The following CSAD variants were observed in gnomAD, a reference collection of about 807,000 sequenced individuals.
CSAD encodes P-selectin cytoplasmic tail-associated protein.
Under a neutral mutation model 61.5 loss-of-function variants are expected in CSAD, and 47 were observed. The observed-to-expected ratio is 0.76, with a 90% CI of 0.60 to 0.97. CSAD has a LOEUF of 0.97. Among genes scored for constraint, CSAD ranks in the 50% least tolerant of loss-of-function variants. The probability of loss-of-function intolerance (pLI) is 0.00; values close to 1 mark genes in which losing one functional copy is unlikely to be tolerated. For synonymous variants in CSAD, 245 were observed against 252.7 expected (o/e 0.97, Z 0.29); for missense variants, 611 against 643.6 (o/e 0.95, Z 0.55).
At chr12:53,159,815 C>G in intron 15 of CSAD, 72 bp downstream of exon 15, 1 of 1,541,156 alleles carries the variant, frequency 6.5e-7, no homozygotes, top group Non-Finnish European at 8.8e-7. Context: ...TCCACTAGGG[C>G]TTTAGTTGGG....
chr12:53,169,144 C>T (rs1366878438), intron 10 of CSAD, among the ~76,000 whole-genome samples: 4 of 151,974 alleles, frequency 2.6e-5, no homozygotes, highest in Non-Finnish European at 5.9e-5. Context: ...CGTGCCATTG[C>T]ACTCCGGCCT....
chr12:53,161,511 A>G, intron 10 of CSAD, 122 bp from the exon 11 acceptor site: 3 of 721,140 alleles, frequency 4.2e-6, no homozygotes, highest in Non-Finnish European at 7.3e-6. Context: ...ACCTCACAAC[A>G]ATGTGTTACT....
At chr12:53,163,435 A>G (rs1231749025) in intron 10 of CSAD, among the ~76,000 whole-genome samples, 1 of 152,174 alleles carries the variant, frequency 6.6e-6, no homozygotes. Flanking sequence ...GATGAATTCC[A>G]TCAAACATTT....
chr12:53,160,792 A>T lies in CSAD; in HGVS notation c.937T>A (p.Cys313Ser), dbSNP rs1939188943. 1.3e-6 allele frequency: 2 copies of T among 1,551,646 alleles called. No individual in the cohort carries two copies. Among genetic ancestry groups the T allele is most frequent in the Admixed American group, 3.9e-5 (2 of 50,984 alleles). ...GTATCCTGGAGAAGAAGTGCAGAGCATTGCAGGCCTGCTGCGAGGAGCTTG... is the reference window on the plus strand; with the variant it reads ...GTATCCTGGAGAAGAAGTGCAGAGCTTTGCAGGCCTGCTGCGAGGAGCTTG... Reference protein sequence around the residue: ...PHKLLAAGLQCSALLLQDTSN... With the variant: ...PHKLLAAGLQSSALLLQDTSN... The change falls in exon 13 of 17, where the codon TGC (cysteine) becomes AGC (serine). Residue 313 changes from cysteine to serine, a missense_variant. Physicochemically the swap from Cys to Ser is moderately radical, Grantham distance 112. Transcript: ENST00000444623.
At chr12:53,166,928 TACAC>T (rs1724244574) in intron 10 of CSAD, among the ~76,000 whole-genome samples, 1 of 152,182 alleles carries the variant, frequency 6.6e-6, no homozygotes, top group Admixed American at 6.5e-5. Flanking sequence ...AATTTTATGT[TACAC>T]ACACAAAAAA....
At position 53,173,528 on chromosome 12, in the gene CSAD, C is replaced by G. The variant is rs866590314; in HGVS notation, c.-6-52G>C. 7.1e-5 allele frequency: 114 copies of G among 1,613,312 alleles called. 1 individual carries two copies. The Middle Eastern group carries it at 4.7e-3, about 66-fold the overall frequency. On this transcript the variant is annotated intron_variant, in intron 3 of 16. Coordinates refer to ENST00000444623, the MANE Select transcript of CSAD (RefSeq NM_001244705.2). Reference sequence around the variant, plus strand: ...CTCAGCCTGTCAACCCTTCCCGGACCTACCCAGCAGGAGCCTCCTCTCCCA... The same window carrying G: ...CTCAGCCTGTCAACCCTTCCCGGACGTACCCAGCAGGAGCCTCCTCTCCCA...
chr12:53,171,191 G>A (rs1213743132), intron 8 of CSAD, 135 bp downstream of exon 8: 1 of 1,357,492 alleles, frequency 7.4e-7, no homozygotes, highest in South Asian at 1.2e-5. Context: ...TTGATTGGAA[G>A]GAAGCACATC....
chr12:53,180,584 T>C (rs1941521094), intron 1 of CSAD, 148 bp downstream of exon 1: 8 of 1,284,862 alleles, frequency 6.2e-6, no homozygotes, highest in Non-Finnish European at 7.1e-6. Flanking sequence ...CACCTCTCCG[T>C]GCGTCCCCAA....
intron 2 of CSAD, among the ~76,000 whole-genome samples, chr12:53,176,040 T>C (rs1377685084): frequency 6.6e-6 from 1 of 151,426 alleles, no homozygotes; most frequent in East Asian, 1.9e-4. Flanking sequence ...TTCTCATCAT[T>C]GACAAAAATT....
chr12:53,159,522 AGCAAGGAGACCT>A, intron 16 of CSAD, 89 bp downstream of exon 16: 1 of 940,390 alleles, frequency 1.1e-6, no homozygotes. Context: ...GCAAGAGACC[AGCAAGGAGACCT>A]GCCATGCCAC....
chr12:53,166,798 AAAAACAAAAC>A lies in CSAD; in HGVS notation c.702+3264_702+3273del, dbSNP rs200543576. Among the ~76,000 whole-genome samples, 505 of 152,320 alleles carry A rather than the reference AAAAACAAAAC, an allele frequency of 3.3e-3. 4 individuals carry two copies. The highest frequency in any genetic ancestry group is 0.018 in the Admixed American group (270 of 15,288). ...GGGACAGAGTGATACTCTGTCTCAG[AAAAACAAAAC>A]AAAACAAAACAAAAAAACAAGATGA... On this transcript the variant is annotated intron_variant, in intron 10 of 16. Coordinates refer to ENST00000444623, the MANE Select transcript of CSAD (RefSeq NM_001244705.2).
intron 1 of CSAD, chr12:53,180,307 T>C (rs1293391028): frequency 1.4e-5 from 14 of 985,288 alleles, no homozygotes; most frequent in Non-Finnish European, 1.7e-5. Flanking sequence ...CGAACTACTC[T>C]GGCTCTACTT....
chr12:53,159,249 G>A (rs1017540379), intron 16 of CSAD, among the ~76,000 whole-genome samples: 1 of 152,018 alleles, frequency 6.6e-6, no homozygotes, highest in Admixed American at 6.6e-5. Flanking sequence ...ACAGCTCCTC[G>A]CCTCCAGATG....
Position 53,171,412 on chromosome 12 carries a change from T to A in CSAD, c.481A>T (p.Asn161Tyr), listed in dbSNP as rs1364590447. 1.2e-6 allele frequency: 2 copies of A among 1,613,748 alleles called. No individual in the cohort carries two copies. The highest frequency in any genetic ancestry group is 2.7e-5 in the African/African-American group (2 of 74,906). The change falls in exon 8 of 17, where the codon AAT becomes TAT. Residue 161 changes from asparagine (N) to tyrosine (Y), a missense_variant. By Grantham distance (143) the Asn-to-Tyr change is moderately radical (BLOSUM62 -2). Coordinates refer to ENST00000444623, the MANE Select transcript of CSAD (RefSeq NM_001244705.2). ...GGGTAGCGCTGATAGCGGGCCAGAT[T>A]TACAGCATACATGTTGGAGATGGAG... ...GGSISNMYAV[N>Y]LARYQRYPDC...
rs201933521 is a variant in CSAD at position 53,170,474 on chromosome 12, G to A, written c.596C>T (p.Ala199Val). 8.1e-6 allele frequency: 13 copies of A among 1,614,068 alleles called. No homozygotes were observed. Among genetic ancestry groups the A allele is most frequent in the African/African-American group, 5.3e-5 (4 of 75,020 alleles). The change falls in exon 9 of 17, where the codon GCG becomes GTG. Residue 199 changes from alanine to valine, a missense_variant. Physicochemically the swap from Ala to Val is moderately conservative, Grantham distance 64. Coordinates refer to ENST00000444623, the MANE Select transcript of CSAD (RefSeq NM_001244705.2). ...ECHYSIQKGA[A>V]FLGLGTDSVR... ...ACTGTCGGTGCCAAGTCCCAGAAAC[G>A]CAGCTCCCTTCTGGATGGAGTAGTG...
At chr12:53,174,813 G>C (rs760961075) in intron 2 of CSAD, among the ~76,000 whole-genome samples, 25 of 152,166 alleles carry the variant, frequency 1.6e-4, no homozygotes, top group Non-Finnish European at 3.2e-4. Context: ...TATATATGGA[G>C]GAATTAAGGG....
At chr12:53,177,466 T>C (rs947436543) in intron 2 of CSAD, among the ~76,000 whole-genome samples, 6 of 152,122 alleles carry the variant, frequency 3.9e-5, no homozygotes, top group Non-Finnish European at 7.4e-5. Context: ...CTACCTTTTT[T>C]TAATGGGCAA....
rs983223440 is a variant in CSAD, at chr12:53,159,955, A to G, written c.1167-17T>C. ...ACCAGGTACCTGTGAACAGAGAGTG[A>G]GAAACCATAGGCGGGGAGGAAAAGC... On this transcript the variant is annotated splice_polypyrimidine_tract_variant and intron_variant, in intron 14 of 16. Coordinates refer to ENST00000444623, the MANE Select transcript of CSAD (RefSeq NM_001244705.2). The G allele has an allele frequency of 1.9e-6, 3 of 1,606,328 alleles. No individual in the cohort carries two copies. Among genetic ancestry groups the G allele is most frequent in the Non-Finnish European group, 2.6e-6 (3 of 1,175,710 alleles).
At chr12:53,171,004 A>G in intron 8 of CSAD, 1 of 493,872 alleles carries the variant, frequency 2.0e-6, no homozygotes, top group South Asian at 1.7e-5. Flanking sequence ...TACAGGCGTG[A>G]GTCACCGTGC....
Sources: allele counts gnomAD v4.1 joint callset (sites outside exome capture counted in the v4.1 genomes callset), GRCh38; gene constraint gnomAD v4.1.1; transcripts MANE v1.5; gene names NCBI Gene and HGNC (gene_info 2026-07-23, HGNC 2026-07-21).